NDUFAF2: variants seen among roughly 807,000 people sequenced by gnomAD.
The protein encoded by NDUFAF2 is NADH:ubiquinone oxidoreductase complex assembly factor 2, also known as NADH dehydrogenase [ubiquinone] 1 alpha subcomplex assembly factor 2.
In NDUFAF2, 13 loss-of-function variants were observed where a neutral mutation model predicts 22.8. The observed-to-expected ratio is 0.57, with a 90% CI of 0.37 to 0.91. The LOEUF is 0.91. NDUFAF2 is among the 40% of genes least tolerant of loss of function. The pLI is 0.01. For synonymous variants in NDUFAF2, 53 were observed against 64.2 expected (o/e 0.83, Z 0.84); for missense variants, 162 against 195.2 (o/e 0.83, Z 1.01).
At chr5:61,125,828 A>C (rs1753029636) in intron 3 of NDUFAF2, among the ~76,000 whole-genome samples, 1 of 152,060 alleles carries the variant, frequency 6.6e-6, no homozygotes, top group Non-Finnish European at 1.5e-5. Context: ...TGATTACCTA[A>C]ATAATCTTGG....
At chr5:61,006,271 C>T (rs1390552181) in intron 1 of NDUFAF2, among the ~76,000 whole-genome samples, 5 of 151,842 alleles carry the variant, frequency 3.3e-5, no homozygotes, top group East Asian at 1.9e-4. Flanking sequence ...GTATTATTTC[C>T]GAGGGCTCTA....
intron 3 of NDUFAF2, among the ~76,000 whole-genome samples, chr5:61,134,255 TAAACAG>T (rs1462389028): frequency 9.9e-6 from 1 of 100,862 alleles, no homozygotes; most frequent in Non-Finnish European, 2.3e-5. Flanking sequence ...AATGGGAGGA[TAAACAG>T]AAAATTAATA....
chr5:61,055,975 TCTG>T (rs1752081978), intron 1 of NDUFAF2, among the ~76,000 whole-genome samples: 1 of 152,154 alleles, frequency 6.6e-6, no homozygotes, highest in Admixed American at 6.6e-5. Context: ...TAAATATAAT[TCTG>T]CTCATCTAAA....
At chr5:61,056,662 A>G (rs925918596) in intron 1 of NDUFAF2, among the ~76,000 whole-genome samples, 1 of 151,738 alleles carries the variant, frequency 6.6e-6, no homozygotes, top group Admixed American at 6.6e-5. Context: ...CCAAAGCAAG[A>G]GGATCACCTG....
At chr5:61,064,178 A>G (rs945268720) in intron 1 of NDUFAF2, among the ~76,000 whole-genome samples, 1 of 152,166 alleles carries the variant, frequency 6.6e-6, no homozygotes, top group African/African-American at 2.4e-5. Context: ...AAAAGGGTCA[A>G]TTAATGAAGA....
intron 2 of NDUFAF2, among the ~76,000 whole-genome samples, chr5:61,094,809 C>T (rs1346440698): frequency 6.6e-6 from 1 of 152,204 alleles, no homozygotes; most frequent in Non-Finnish European, 1.5e-5. Flanking sequence ...GGCTGCGAAA[C>T]AGCAAAGCTG....
rs563994301 is a variant in NDUFAF2 at position 60,987,617 on chromosome 5, A to T, written c.127+42235A>T. ...AGTAGGCTCTATCCCTGGGATGCAA[A>T]GTTGGCTCAAAATACACAAATCAAT... On this transcript the variant is annotated intron_variant, in intron 1 of 3. Transcript: ENST00000296597. Among the ~76,000 whole-genome samples the T allele has an allele frequency of 9.2e-5, 14 of 152,340 alleles. No individual in the cohort carries two copies. In the East Asian group the frequency reaches 2.7e-3, roughly 29 times the overall value.
At chr5:61,058,196 C>T (rs992424604) in intron 1 of NDUFAF2, among the ~76,000 whole-genome samples, 2 of 152,058 alleles carry the variant, frequency 1.3e-5, no homozygotes, top group Non-Finnish European at 1.5e-5. Context: ...TAAGTTTGGG[C>T]TTGGCCCAAG....
At chr5:61,098,772 A>G (rs1561564457) in intron 2 of NDUFAF2, among the ~76,000 whole-genome samples, 1 of 152,192 alleles carries the variant, frequency 6.6e-6, no homozygotes, top group Admixed American at 6.5e-5. Flanking sequence ...TCTTCATGAC[A>G]CATATCACCA....
At chr5:61,028,314 C>A (rs1751678080) in intron 1 of NDUFAF2, among the ~76,000 whole-genome samples, 1 of 152,078 alleles carries the variant, frequency 6.6e-6, no homozygotes, top group Non-Finnish European at 1.5e-5. Flanking sequence ...TCTCTTATCA[C>A]ATTCAATATT....
chr5:61,139,488 T>C (rs1402083161), intron 3 of NDUFAF2, among the ~76,000 whole-genome samples: 1 of 152,236 alleles, frequency 6.6e-6, no homozygotes, highest in East Asian at 1.9e-4. Flanking sequence ...AGCATTTCAG[T>C]GTTCTGAAGT....
chr5:60,977,731 G>T (rs766609115), intron 1 of NDUFAF2, among the ~76,000 whole-genome samples: 2 of 151,894 alleles, frequency 1.3e-5, no homozygotes, highest in Non-Finnish European at 2.9e-5. Flanking sequence ...CAGCTACTGG[G>T]GAGTCAGAGG....
intron 3 of NDUFAF2, among the ~76,000 whole-genome samples, chr5:61,150,803 A>G (rs1741224354): frequency 6.6e-6 from 1 of 152,176 alleles, no homozygotes; most frequent in Non-Finnish European, 1.5e-5. Context: ...ATTAAGACAC[A>G]GGGACTTGAA....
At chr5:60,983,960 G>A (rs541171464) in intron 1 of NDUFAF2, among the ~76,000 whole-genome samples, 50 of 152,140 alleles carry the variant, frequency 3.3e-4, no homozygotes, top group African/African-American at 1.1e-3. Context: ...GCTTGATGGG[G>A]ATGGCATTGA....
chr5:60,986,819 C>T (rs1751085429), intron 1 of NDUFAF2, among the ~76,000 whole-genome samples: 1 of 151,510 alleles, frequency 6.6e-6, no homozygotes, highest in Non-Finnish European at 1.5e-5. Context: ...GCAATCCCAG[C>T]TATTCAGGAG....
intron 1 of NDUFAF2, among the ~76,000 whole-genome samples, chr5:61,005,110 C>T (rs1751348798): frequency 6.6e-6 from 1 of 151,980 alleles, no homozygotes; most frequent in African/African-American, 2.4e-5. Context: ...ATGACAGACC[C>T]CGGTGTGCGA....
Position 61,063,904 on chromosome 5 carries a change from A to T in NDUFAF2, c.128-9221A>T, listed in dbSNP as rs185080696. Among the ~76,000 whole-genome samples, 53 of 152,270 alleles carry T rather than the reference A, an allele frequency of 3.5e-4. No homozygotes were observed. In the East Asian group the frequency reaches 0.01, roughly 29 times the overall value. On this transcript the variant is annotated intron_variant, in intron 1 of 3. Transcript: ENST00000296597. ...ACTTATTTATCAGTAATAAACTTGA[A>T]TGTAAATGGATTAAATTTTCCAATC...
intron 1 of NDUFAF2, among the ~76,000 whole-genome samples, chr5:60,987,033 A>G (rs1264002918): frequency 1.3e-5 from 2 of 151,656 alleles, no homozygotes; most frequent in Non-Finnish European, 3.0e-5. Flanking sequence ...TAGACTGTTA[A>G]GTACACAAAG....
At chr5:61,141,245 TTAA>T (rs946515309) in intron 3 of NDUFAF2, among the ~76,000 whole-genome samples, 8 of 151,784 alleles carry the variant, frequency 5.3e-5, no homozygotes, top group Admixed American at 1.3e-4. Flanking sequence ...AAAAAATTAA[TTAA>T]TAATAATAAT....
Sources: allele counts gnomAD v4.1 joint callset (sites outside exome capture counted in the v4.1 genomes callset), GRCh38; gene constraint gnomAD v4.1.1; transcripts MANE v1.5; gene names NCBI Gene and HGNC (gene_info 2026-07-23, HGNC 2026-07-21).